TBX4: variants seen among roughly 807,000 people sequenced by gnomAD.
TBX4 encodes T-box transcription factor TBX4.
Under a neutral mutation model 54.6 loss-of-function variants are expected in TBX4, and 13 were observed. The ratio of observed to expected loss-of-function variants is 0.24; its 90% CI spans 0.15 to 0.38. The LOEUF (loss-of-function observed/expected upper bound fraction) is 0.38, where lower values mean the gene tolerates loss of function less well. Ranked by LOEUF, TBX4 falls within the 10% of genes least tolerant of loss-of-function variation. The pLI is 1.00. For missense variants in TBX4, 631 were observed against 728.5 expected (o/e 0.87, Z 1.54); for synonymous variants, 314 against 306.7 (o/e 1.02, Z -0.25).
rs944860203 is a variant in TBX4 at position 61,483,354 on chromosome 17, A to G, written c.1479A>G (p.Pro493=). ...AGCGGGGGCCCAGCGCCTCATTCCC[A>G]AGAGAGCGCGGCCTCCCCCAAGGGT... ...VRERGPSASF[P]RERGLPQGCE... Residue 493 remains proline (P), a synonymous_variant, in exon 9 of 9, where the codon CCA becomes CCG. Transcript: ENST00000644296. This position sits in a 1 kb window ranked among gnomAD's most constrained non-coding sequence, Gnocchi z 6.6. 1 of 1,608,698 alleles carries G rather than the reference A, an allele frequency of 6.2e-7. No homozygotes were observed. The highest frequency in any genetic ancestry group is 8.5e-7 in the Non-Finnish European group (1 of 1,176,136).
rs1490884271 is a variant in TBX4 at position 61,484,031 on chromosome 17, C to G, written c.*515C>G. 1.7e-5 allele frequency: 3 copies of G among 172,012 alleles called. No individual in the cohort carries two copies. Among genetic ancestry groups the G allele is most frequent in the Non-Finnish European group, 2.5e-5 (2 of 79,304 alleles). The allele number at this position is 172,012 out of a possible 1,614,324, so 10.7% of individuals were successfully genotyped here. On this transcript the variant is annotated 3_prime_UTR_variant, in exon 9 of 9. Transcript: ENST00000644296. This position sits in a 1 kb window ranked among gnomAD's most constrained non-coding sequence, Gnocchi z 4.1. ...TCTGGTTTTGGTAGCAGGAGGCCCA[C>G]TCCTTTGACTTCTGGAGAGTCTGTG...
chr17:61,478,637 A>C lies in TBX4; in HGVS notation c.560A>C (p.Asn187Thr), dbSNP rs779946817. 3.7e-5 allele frequency: 59 copies of C among 1,613,906 alleles called. No individual in the cohort carries two copies. Among genetic ancestry groups the C allele is most frequent in the African/African-American group, 5.3e-5 (4 of 74,866 alleles). The change falls in exon 6 of 9, where the codon AAC becomes ACC. Residue 187 changes from asparagine to threonine, a missense_variant. By Grantham distance (65) the Asn-to-Thr change is moderately conservative. Coordinates refer to ENST00000644296, the MANE Select transcript of TBX4 (RefSeq NM_001321120.2). This position sits in a 1 kb window ranked among gnomAD's most constrained non-coding sequence, Gnocchi z 7.4. ...HLDPFGHIIL[N>T]SMHKYQPRLH... ...ACCCTTCTCTTCCAGATCATCCTCAACTCTATGCACAAGTACCAGCCGCGG... is the reference window on the plus strand; with the variant it reads ...ACCCTTCTCTTCCAGATCATCCTCACCTCTATGCACAAGTACCAGCCGCGG...
In TBX4 at chr17:61,459,199, C is replaced by T. The variant is rs559297141; in HGVS notation, c.281+1568C>T. Among the ~76,000 whole-genome samples, 21 of 152,240 alleles carry T rather than the reference C, an allele frequency of 1.4e-4. No homozygotes were observed. Among genetic ancestry groups the T allele is most frequent in the Non-Finnish European group, 3.1e-4 (21 of 68,042 alleles). On this transcript the variant is annotated intron_variant, in intron 3 of 8. Transcript: ENST00000644296. This position sits in a 1 kb window ranked among gnomAD's most constrained non-coding sequence, Gnocchi z 4.8. ...CAGTGGAAGCCAGGTGTCACAGGCC[C>T]TGCCTCTTTCTGGCTGAGTGTACTT...
chr17:61,454,015 C>T (rs752636061), intron 1 of TBX4, among the ~76,000 whole-genome samples: 4 of 152,176 alleles, frequency 2.6e-5, no homozygotes, highest in South Asian at 2.1e-4. Context: ...CACTATGTCA[C>T]CTCGATATTG....
In TBX4 at chr17:61,474,541, T is replaced by C. The variant is rs533496242; in HGVS notation, c.550-4086T>C. ...TTCCAATGTAGATAGATCTGGGCTT[T>C]ATTGGCCAAGCACGCTATGGCGATC... On this transcript the variant is annotated intron_variant, in intron 5 of 8. Transcript: ENST00000644296. This position sits in a 1 kb window ranked among gnomAD's most constrained non-coding sequence, Gnocchi z 4.6. Among the ~76,000 whole-genome samples the C allele has an allele frequency of 3.2e-4, 49 of 152,366 alleles. No individual in the cohort carries two copies. The highest frequency in any genetic ancestry group is 3.4e-3 in the Middle Eastern group (1 of 294).
At chr17:61,466,761 T>C (rs2060540202) in intron 4 of TBX4, among the ~76,000 whole-genome samples, 1 of 152,242 alleles carries the variant, frequency 6.6e-6, no homozygotes, top group Non-Finnish European at 1.5e-5. Flanking sequence ...CGGGGAGAGC[T>C]ACCAATTAAT....
intron 5 of TBX4, among the ~76,000 whole-genome samples, chr17:61,477,690 C>G (rs376283339): frequency 3.3e-5 from 5 of 152,152 alleles, no homozygotes; most frequent in African/African-American, 1.2e-4. Context: ...CCTGTAATCC[C>G]AGCACTTTGG....
At chr17:61,467,761 C>G in intron 5 of TBX4, 104 bp downstream of exon 5, 1 of 1,478,648 alleles carries the variant, frequency 6.8e-7, no homozygotes, top group Admixed American at 1.8e-5. Context: ...GGATCCAGCT[C>G]CAGGCTTTGG....
At position 61,472,035 on chromosome 17, in the gene TBX4, G is replaced by A. The variant is rs566448504; in HGVS notation, c.549+4378G>A. 1.3e-5 allele frequency among the ~76,000 whole-genome samples: 2 copies of A among 151,100 alleles called. No individual in the cohort carries two copies. Among genetic ancestry groups the A allele is most frequent in the African/African-American group, 4.9e-5 (2 of 41,200 alleles). On this transcript the variant is annotated intron_variant, in intron 5 of 8. Coordinates refer to ENST00000644296, the MANE Select transcript of TBX4 (RefSeq NM_001321120.2). The surrounding 1 kb of genome is among the most constrained non-coding windows in gnomAD (Gnocchi z 4.5). ...TGGGATTGCAGGCGTGTGCCACCGC[G>A]CCCGGCCTGCAGCTGCATAGAATTT... is the stretch of plus-strand genomic sequence containing the variant.
chr17:61,485,056 A>G lies in TBX4; in HGVS notation c.*1540A>G, dbSNP rs1444487827. 1 of 151,908 alleles carries G rather than the reference A, an allele frequency of 6.6e-6. No individual in the cohort carries two copies. Among genetic ancestry groups the G allele is most frequent in the African/African-American group, 2.4e-5 (1 of 41,380 alleles). 9.4% of individuals were successfully genotyped at this position (151,908 alleles called of 1,614,324 possible). ...TGGAACTTCAAGTGTTTTGTTATAT[A>G]GCATGGATGTTTTATTTTGCATATC... On this transcript the variant is annotated 3_prime_UTR_variant, in exon 9 of 9. Transcript: ENST00000644296. This position sits in a 1 kb window ranked among gnomAD's most constrained non-coding sequence, Gnocchi z 4.6.
rs920467109 is a variant in TBX4, at chr17:61,461,591, C to T, written c.281+3960C>T. 6.6e-6 allele frequency among the ~76,000 whole-genome samples: 1 copy of T among 152,134 alleles called. No individual in the cohort carries two copies. The highest frequency in any genetic ancestry group is 6.5e-5 in the Admixed American group (1 of 15,282). On this transcript the variant is annotated intron_variant, in intron 3 of 8. Transcript: ENST00000644296. The surrounding 1 kb of genome is among the most constrained non-coding windows in gnomAD (Gnocchi z 5.1). ...TGTACACACATATATAATTTTTAAC[C>T]TAAATGTATTGAAGTGGAACATTCC...
chr17:61,466,477 T>C (rs1280044344), intron 4 of TBX4, among the ~76,000 whole-genome samples: 1 of 152,060 alleles, frequency 6.6e-6, no homozygotes, highest in Non-Finnish European at 1.5e-5. Context: ...CTGGGAGACA[T>C]AGAGAGGTAA....
At chr17:61,477,455 A>C (rs2060629079) in intron 5 of TBX4, among the ~76,000 whole-genome samples, 2 of 152,060 alleles carry the variant, frequency 1.3e-5, no homozygotes, top group African/African-American at 2.4e-5. Flanking sequence ...CGGCATCCTC[A>C]AGGGCCCTTG....
chr17:61,464,860 A>G lies in TBX4; in HGVS notation c.282-959A>G, dbSNP rs189206309. ...CCTCAGGGCCCTTGACAGCCTCAGC[A>G]TGGGCTGCAGGAAATGACAAACTTT... On this transcript the variant is annotated intron_variant, in intron 3 of 8. Coordinates refer to ENST00000644296, the MANE Select transcript of TBX4 (RefSeq NM_001321120.2). The surrounding 1 kb of genome is among the most constrained non-coding windows in gnomAD (Gnocchi z 5.8). Among the ~76,000 whole-genome samples, 1 of 152,300 alleles carries G rather than the reference A, an allele frequency of 6.6e-6. No individual in the cohort carries two copies. Among genetic ancestry groups the G allele is most frequent in the East Asian group, 1.9e-4 (1 of 5,174 alleles).
intron 3 of TBX4, among the ~76,000 whole-genome samples, chr17:61,458,164 G>A (rs568284511): frequency 6.6e-6 from 1 of 151,976 alleles, no homozygotes; most frequent in East Asian, 1.9e-4. Context: ...TGGGCTCCGT[G>A]TGTGTTGTTG....
chr17:61,483,115 C>T lies in TBX4; in HGVS notation c.1240C>T (p.Pro414Ser), dbSNP rs758280314. 1.2e-6 allele frequency: 2 copies of T among 1,614,032 alleles called. No homozygotes were observed. The highest frequency in any genetic ancestry group is 1.1e-5 in the South Asian group (1 of 91,086). The change falls in exon 9 of 9, where the codon CCT (proline) becomes TCT (serine). Residue 414 changes from proline to serine, a missense_variant. Physicochemically the swap from Pro to Ser is moderately conservative, Grantham distance 74. Around this residue, in one of 3 missense-constraint regions of TBX4, gnomAD observed 354 missense variants for 368.9 expected, o/e 0.96. Coordinates refer to ENST00000644296, the MANE Select transcript of TBX4 (RefSeq NM_001321120.2). This position sits in a 1 kb window ranked among gnomAD's most constrained non-coding sequence, Gnocchi z 6.6. ...GTCTGGGGTGGACGACCTGCCCCCA[C>T]CTCCGCTGAGCTGTAACATGTGGAC... Reference protein sequence around the residue: ...GVSGVDDLPPPPLSCNMWTSV... With the variant: ...GVSGVDDLPPSPLSCNMWTSV...
chr17:61,480,402 C>T lies in TBX4; in HGVS notation c.1021+83C>T, dbSNP rs548614308. 32 of 1,118,294 alleles carry T rather than the reference C, an allele frequency of 2.9e-5. No individual in the cohort carries two copies. The highest frequency in any genetic ancestry group is 2.7e-4 in the South Asian group (20 of 75,112). The allele number at this position is 1,118,294 out of a possible 1,614,324, so 69.3% of individuals were successfully genotyped here. On this transcript the variant is annotated intron_variant, in intron 8 of 8. Coordinates refer to ENST00000644296, the MANE Select transcript of TBX4 (RefSeq NM_001321120.2). This position sits in a 1 kb window ranked among gnomAD's most constrained non-coding sequence, Gnocchi z 6.2. Reference sequence around the variant, plus strand: ...CGAAACCACTCTGCAGCGCCCCCCCCCCCAACACACACACACTCATCTCGT... The same window carrying T: ...CGAAACCACTCTGCAGCGCCCCCCCTCCCAACACACACACACTCATCTCGT...
chr17:61,466,036 G>C (rs1275206746), intron 4 of TBX4, 98 bp downstream of exon 4: 2 of 1,578,730 alleles, frequency 1.3e-6, no homozygotes, highest in Non-Finnish European at 1.7e-6. Context: ...AGCTACCTGA[G>C]TGACTGCCCA....
rs938348747 is a variant in TBX4, at chr17:61,478,424, G to A, written c.550-203G>A. 8 of 642,992 alleles carry A rather than the reference G, an allele frequency of 1.2e-5. No individual in the cohort carries two copies. In the Admixed American group the frequency reaches 2.1e-4, roughly 17 times the overall value. The allele number at this position is 642,992 out of a possible 1,614,324, so 39.8% of individuals were successfully genotyped here. A position where few individuals can be genotyped will look rare whatever the true frequency, so the allele number is the denominator to read the frequency against. On this transcript the variant is annotated intron_variant, in intron 5 of 8. Transcript: ENST00000644296. The surrounding 1 kb of genome is among the most constrained non-coding windows in gnomAD (Gnocchi z 7.4). ...CTGGGCATTAGTGCTGGTGCAGAGAGGCTAAGTAGGGCTGGGGTGGGGAGA... is the reference window on the plus strand; with the variant it reads ...CTGGGCATTAGTGCTGGTGCAGAGAAGCTAAGTAGGGCTGGGGTGGGGAGA...
Sources: allele counts gnomAD v4.1 joint callset (sites outside exome capture counted in the v4.1 genomes callset), GRCh38; gene constraint gnomAD v4.1.1; regional missense constraint gnomAD v4.1.1; non-coding constraint Gnocchi (gnomAD v3.1); transcripts MANE v1.5; gene names NCBI Gene and HGNC (gene_info 2026-07-23, HGNC 2026-07-21).